The following GPHN variants were observed in gnomAD, a reference collection of about 807,000 sequenced individuals.
The protein encoded by GPHN is gephyrin.
Under a neutral mutation model 95.5 loss-of-function variants are expected in GPHN, and 17 were observed. The ratio of observed to expected loss-of-function variants is 0.18; its 90% confidence interval spans 0.12 to 0.27. GPHN has a LOEUF of 0.27. GPHN is among the 10% of genes least tolerant of loss of function. The pLI is 1.00. For missense variants in GPHN, 660 were observed against 978.1 expected, an observed-to-expected ratio of 0.67 and a Z score of 4.34; for synonymous variants, 320 against 322.5, an observed-to-expected ratio of 0.99 and a Z score of 0.08.
chr14:66,776,805 G>A (rs904820807), intron 3 of GPHN, among the ~76,000 whole-genome samples: 7 of 151,954 alleles, frequency 4.6e-5, no homozygotes, highest in Non-Finnish European at 1.0e-4. Context: ...TATAAGCATT[G>A]GTGTGCATAG....
chr14:66,827,973 TATATTC>T (rs1373200115), intron 4 of GPHN, among the ~76,000 whole-genome samples: 1 of 152,062 alleles, frequency 6.6e-6, no homozygotes, highest in Non-Finnish European at 1.5e-5. Context: ...GAGGTGCTCT[TATATTC>T]ATATATACCT....
Position 66,544,843 on chromosome 14 carries a change from G to A in GPHN, c.64+36252G>A, listed in dbSNP as rs1164927007. Among the ~76,000 whole-genome samples, 7 of 151,942 alleles carry A rather than the reference G, an allele frequency of 4.6e-5. No homozygotes were observed. The East Asian group carries it at 5.8e-4, about 13-fold the overall frequency. On this transcript the variant is annotated intron_variant, in intron 1 of 22. Transcript: ENST00000478722. Reference sequence around the variant, plus strand: ...TGTTTAACAAAGCACATCTTGCACCGCCCTTAATCCATTTAACCCTGAGTG... The same window carrying A: ...TGTTTAACAAAGCACATCTTGCACCACCCTTAATCCATTTAACCCTGAGTG...
the GPHN span, among the ~76,000 whole-genome samples, chr14:67,520,655 T>C: frequency 6.6e-6 from 1 of 152,124 alleles, no homozygotes; most frequent in Non-Finnish European, 1.5e-5. Context: ...CCATGCAGGT[T>C]TTTATGTGGA....
intron 1 of GPHN, among the ~76,000 whole-genome samples, chr14:66,548,507 A>G (rs572835901): frequency 4.4e-4 from 67 of 152,192 alleles, no homozygotes; most frequent in Non-Finnish European, 8.1e-4. Context: ...TTGGGGAGCC[A>G]TGAACTGTGT....
chr14:66,737,716 A>T (rs2072419864), intron 2 of GPHN, among the ~76,000 whole-genome samples: 1 of 152,158 alleles, frequency 6.6e-6, no homozygotes, highest in African/African-American at 2.4e-5. Context: ...CCTTTTCTGG[A>T]TTTATGATTC....
chr14:66,996,815 A>T (rs2071835448), intron 9 of GPHN, among the ~76,000 whole-genome samples: 1 of 152,200 alleles, frequency 6.6e-6, no homozygotes, highest in Non-Finnish European at 1.5e-5. Flanking sequence ...AGAGATTAAC[A>T]GTAAAGAGAT....
chr14:67,662,579 C>T, the GPHN span: 1 of 1,551,018 alleles, frequency 6.4e-7, no homozygotes, highest in African/African-American at 1.4e-5. Flanking sequence ...ACTGTTTCCA[C>T]ACATTTGTAA....
chr14:67,354,066 C>G, the GPHN span: 1 of 152,106 alleles, frequency 6.6e-6, no homozygotes, highest in Admixed American at 6.5e-5. Flanking sequence ...CCTTCTCAGC[C>G]TCCAGAACCA....
At chr14:66,977,651 A>T (rs972447108) in intron 9 of GPHN, among the ~76,000 whole-genome samples, 4 of 152,196 alleles carry the variant, frequency 2.6e-5, no homozygotes, top group Non-Finnish European at 5.9e-5. Flanking sequence ...TCATCTCATT[A>T]AGAATATTTA....
the GPHN span, among the ~76,000 whole-genome samples, chr14:67,352,547 G>A: frequency 3.3e-5 from 5 of 152,252 alleles, no homozygotes; most frequent in Admixed American, 3.3e-4. Context: ...ACTTTAGATT[G>A]GGTGATCAGG....
chr14:66,642,115 A>G (rs2064447455), intron 1 of GPHN, among the ~76,000 whole-genome samples: 1 of 152,142 alleles, frequency 6.6e-6, no homozygotes, highest in Non-Finnish European at 1.5e-5. Context: ...ATGGCCTTCA[A>G]AGATATCCAG....
chr14:66,699,956 T>TA (rs2068405564), intron 2 of GPHN, among the ~76,000 whole-genome samples: 1 of 152,236 alleles, frequency 6.6e-6, no homozygotes, highest in Non-Finnish European at 1.5e-5. Context: ...TGTTTTCTTA[T>TA]GACTGGATAA....
At chr14:67,248,712 G>C in the GPHN span, among the ~76,000 whole-genome samples, 1 of 152,314 alleles carries the variant, frequency 6.6e-6, no homozygotes, top group Non-Finnish European at 1.5e-5. Flanking sequence ...TCTGTTGTTA[G>C]AGTGGCAGAG....
chr14:67,028,908 T>A (rs2074053697), intron 10 of GPHN, among the ~76,000 whole-genome samples: 1 of 152,210 alleles, frequency 6.6e-6, no homozygotes, highest in Admixed American at 6.5e-5. Context: ...TTGTCTGTAC[T>A]TTTGAAGTCT....
At chr14:67,633,279 CT>C in the GPHN span, among the ~76,000 whole-genome samples, 3 of 149,828 alleles carry the variant, frequency 2.0e-5, no homozygotes, top group Non-Finnish European at 3.0e-5. Context: ...CTTTTTTTTT[CT>C]TCTTTGCAGT....
chr14:67,338,525 G>A, the GPHN span: 2 of 1,324,074 alleles, frequency 1.5e-6, no homozygotes, highest in African/African-American at 1.5e-5. Context: ...GAAATTCTTA[G>A]GCCAAAAAAT....
chr14:67,220,471 C>G, the GPHN span, among the ~76,000 whole-genome samples: 1 of 151,712 alleles, frequency 6.6e-6, no homozygotes. Flanking sequence ...AAATGATGAC[C>G]TTGTTGAATA....
At chr14:67,279,602 T>C in the GPHN span, 1 of 1,409,528 alleles carries the variant, frequency 7.1e-7, no homozygotes, top group African/African-American at 1.4e-5. Flanking sequence ...TTATAATGTA[T>C]ATGAGAAGGA....
At chr14:66,709,778 T>A (rs995304391) in intron 2 of GPHN, among the ~76,000 whole-genome samples, 1 of 152,164 alleles carries the variant, frequency 6.6e-6, no homozygotes, top group African/African-American at 2.4e-5. Flanking sequence ...GCCCTTCCAC[T>A]TATAAGATAT....
Sources: allele counts gnomAD v4.1 joint callset (sites outside exome capture counted in the v4.1 genomes callset), GRCh38; gene constraint gnomAD v4.1.1; transcripts MANE v1.5; gene names NCBI Gene and HGNC (gene_info 2026-07-23, HGNC 2026-07-21).